The following MAN2A2 variants were observed in gnomAD, a reference collection of about 807,000 sequenced individuals.
The protein encoded by MAN2A2 is mannosidase alpha class 2A member 2.
A neutral mutation model predicts 126.8 loss-of-function variants in MAN2A2; 79 were observed. The ratio of observed to expected loss-of-function variants is 0.62; its 90% CI spans 0.52 to 0.75. The LOEUF (loss-of-function observed/expected upper bound fraction) is 0.75, where lower values mean the gene tolerates loss of function less well. Among genes scored for constraint, MAN2A2 ranks in the 30% least tolerant of loss-of-function variants. MAN2A2 has a pLI of 0.00. For missense variants in MAN2A2, 1,392 were observed against 1,522.4 expected (o/e 0.91, Z 1.43); for synonymous variants, 671 against 618.7 (o/e 1.08, Z -1.25).
chr15:90,912,068 CCCTGGG>C lies in MAN2A2; in HGVS notation c.2143_2148del (p.Leu715_Gly716del). ...GTGTCTGTGCCTGTCCGCCTGCCAG[CCCTGGG>C]CCTGGGCGTGCTGCAGCTACAGCTG... is the stretch of plus-strand genomic sequence containing the variant. On this transcript the variant is annotated inframe_deletion, in exon 15 of 23. Coordinates refer to ENST00000559717, the MANE Select transcript of MAN2A2 (RefSeq NM_006122.4). 1 of 1,612,878 alleles carries C rather than the reference CCCTGGG, an allele frequency of 6.2e-7. No homozygotes were observed. Among genetic ancestry groups the C allele is most frequent in the Non-Finnish European group, 8.5e-7 (1 of 1,179,830 alleles).
chr15:90,911,748 T>C, intron 14 of MAN2A2, 198 bp downstream of exon 14: 1 of 637,052 alleles, frequency 1.6e-6, no homozygotes, highest in Non-Finnish European at 2.7e-6. Context: ...AGGGGAAGGT[T>C]GGTATGGTAA....
rs937664926 is a variant in MAN2A2, at chr15:90,921,414, T to A, written c.*1627T>A. Reference sequence around the variant, plus strand: ...TGAACGATGATAATGAGTTGGGGGGTGGACTGCTCGGGGGTGATCCTGCCA... The same window carrying A: ...TGAACGATGATAATGAGTTGGGGGGAGGACTGCTCGGGGGTGATCCTGCCA... On this transcript the variant is annotated 3_prime_UTR_variant, in exon 23 of 23. Coordinates refer to ENST00000559717, the MANE Select transcript of MAN2A2 (RefSeq NM_006122.4). The A allele has an allele frequency of 4.0e-5, 6 of 151,882 alleles. No individual in the cohort carries two copies. Among genetic ancestry groups the A allele is most frequent in the African/African-American group, 1.5e-4 (6 of 41,226 alleles). The allele number at this position is 151,882 out of a possible 1,614,324, so 9.4% of individuals were successfully genotyped here. A position where few individuals can be genotyped will look rare whatever the true frequency, so the allele number is the denominator to read the frequency against.
rs758878076 is a variant in MAN2A2 at position 90,910,637 on chromosome 15, A to G, written c.1714A>G (p.Ile572Val). Reference sequence around the variant, plus strand: ...GGGGCTCTTCCAGCATCACGATGCCATCACTGGCACGGCCAAGGAGGCTGT... The same window carrying G: ...GGGGCTCTTCCAGCATCACGATGCCGTCACTGGCACGGCCAAGGAGGCTGT... Reference protein sequence around the residue: ...TLGLFQHHDAITGTAKEAVVV... With the variant: ...TLGLFQHHDAVTGTAKEAVVV... Residue 572 changes from isoleucine to valine, a missense_variant, in exon 11 of 23, where the codon ATC becomes GTC. By Grantham distance (29) the Ile-to-Val change is conservative (BLOSUM62 3). Coordinates refer to ENST00000559717, the MANE Select transcript of MAN2A2 (RefSeq NM_006122.4). 3.7e-6 allele frequency: 6 copies of G among 1,614,138 alleles called. No homozygotes were observed. The Admixed American group carries it at 6.7e-5, about 18-fold the overall frequency.
At position 90,913,658 on chromosome 15, in the gene MAN2A2, C is replaced by A. The variant is rs764151904; in HGVS notation, c.2763C>A (p.Asn921Lys). 1 of 1,612,600 alleles carries A rather than the reference C, an allele frequency of 6.2e-7. No homozygotes were observed. Among genetic ancestry groups the A allele is most frequent in the Non-Finnish European group, 8.5e-7 (1 of 1,179,484 alleles). The stretch of plus-strand genomic sequence containing the variant: ...TGAAGAAGCTCCCCCTCCAGGCCAA[C>A]TTCTACCCCATGCCAGTCATGGCCT... ...RYLKKLPLQANFYPMPVMAYI... is the reference protein window; with the variant it reads ...RYLKKLPLQAKFYPMPVMAYI... Residue 921 changes from asparagine to lysine, a missense_variant, in exon 19 of 23, where the codon AAC becomes AAA. Coordinates refer to ENST00000559717, the MANE Select transcript of MAN2A2 (RefSeq NM_006122.4).
rs745741684 is a variant in MAN2A2, at chr15:90,905,966, C to T, written c.657C>T (p.Phe219=). 1.4e-5 allele frequency: 22 copies of T among 1,613,876 alleles called. No homozygotes were observed. The highest frequency in any genetic ancestry group is 1.6e-4 in the Middle Eastern group (1 of 6,080). The change falls in exon 5 of 23, where the codon TTC becomes TTT. Residue 219 remains phenylalanine, a synonymous_variant. Coordinates refer to ENST00000559717, the MANE Select transcript of MAN2A2 (RefSeq NM_006122.4). ...RRFLWAEVSF[F]AKWWDNINVQ... is the part of the protein sequence containing the mutation. The stretch of plus-strand genomic sequence containing the variant: ...TCCTCTGGGCAGAGGTCTCCTTCTT[C>T]GCCAAGTGGTGGGACAACATCAATG...
At chr15:90,911,907 C>A in intron 14 of MAN2A2, 136 bp from the exon 15 acceptor site, 2 of 717,438 alleles carry the variant, frequency 2.8e-6, no homozygotes, top group Non-Finnish European at 4.8e-6. Flanking sequence ...CAAATCAGAT[C>A]ACCTCCACTT....
Position 90,912,891 on chromosome 15 carries a change from G to A in MAN2A2, c.2484G>A (p.Lys828=), listed in dbSNP as rs761996353. The A allele has an allele frequency of 6.2e-7, 1 of 1,613,888 alleles. No homozygotes were observed. Among genetic ancestry groups the A allele is most frequent in the South Asian group, 1.1e-5 (1 of 91,070 alleles). ...PDGEAKPYVP[K]EPPVLRVTEG... is the part of the protein sequence containing the mutation. ...TCTTTCTCTAGCCCTACGTCCCCAA[G>A]GAGCCCCCCGTGCTGCGTGTCACTG... is the stretch of plus-strand genomic sequence containing the variant. The change falls in exon 17 of 23, where the codon AAG becomes AAA. Residue 828 remains lysine (K), a synonymous_variant. Transcript: ENST00000559717.
At chr15:90,916,446 C>G in intron 20 of MAN2A2, 190 bp downstream of exon 20, 1 of 1,082,602 alleles carries the variant, frequency 9.2e-7, no homozygotes. Context: ...GCACCTTCCT[C>G]TCCCAGCAGC....
At position 90,910,615 on chromosome 15, in the gene MAN2A2, G is replaced by T. The variant is rs902887871; in HGVS notation, c.1692G>T (p.Gly564=). The change falls in exon 11 of 23, where the codon GGG becomes GGT. Residue 564 remains glycine (G), a synonymous_variant. Transcript: ENST00000559717. The part of the protein sequence containing the change: ...TLLTEARRTL[G]LFQHHDAITG... The stretch of plus-strand genomic sequence containing the variant: ...TGACGGAAGCTCGGCGCACATTGGG[G>T]CTCTTCCAGCATCACGATGCCATCA... The T allele has an allele frequency of 6.2e-7, 1 of 1,614,174 alleles. No homozygotes were observed. Among genetic ancestry groups the T allele is most frequent in the South Asian group, 1.1e-5 (1 of 91,082 alleles).
At chr15:90,902,462 C>G (rs979491202), upstream of MAN2A2, 1 of 152,258 alleles carries the variant, frequency 6.6e-6, no homozygotes, top group African/African-American at 2.4e-5. Flanking sequence ...AGAACGCACC[C>G]CGCTACGCGT....
At position 90,912,941 on chromosome 15, in the gene MAN2A2, T is replaced by C; in HGVS notation, c.2534T>C (p.Val845Ala). 2 of 1,614,110 alleles carry C rather than the reference T, an allele frequency of 1.2e-6. No individual in the cohort carries two copies. The highest frequency in any genetic ancestry group is 1.7e-6 in the Non-Finnish European group (2 of 1,179,988). Reference protein sequence around the residue: ...VTEGPFFSEVVAYYEHIHQAV... With the variant: ...VTEGPFFSEVAAYYEHIHQAV... ...GAAGGCCCTTTCTTCTCAGAGGTGG[T>C]TGCGTACTATGAGCACATTCACCAG... The change falls in exon 17 of 23, where the codon GTT becomes GCT. Residue 845 changes from valine to alanine, a missense_variant. Physicochemically the swap from Val to Ala is moderately conservative, Grantham distance 64 (BLOSUM62 0). Transcript: ENST00000559717.
intron 20 of MAN2A2, among the ~76,000 whole-genome samples, chr15:90,917,130 T>A (rs1219559988): frequency 1.3e-5 from 2 of 152,190 alleles, no homozygotes; most frequent in Non-Finnish European, 2.9e-5. Flanking sequence ...GCTATTTAAA[T>A]TACAACTAAA....
At position 90,912,621 on chromosome 15, in the gene MAN2A2, A is replaced by T. The variant is rs2034845783; in HGVS notation, c.2426A>T (p.Asp809Val). ...GTCTATGGCACCCGTACGTCCAAAGACAAGAGTGGAGCCTACCTCTTCCTG... is the reference window on the plus strand; with the variant it reads ...GTCTATGGCACCCGTACGTCCAAAGTCAAGAGTGGAGCCTACCTCTTCCTG... ...VLVYGTRTSK[D>V]KSGAYLFLPD... The change falls in exon 16 of 23, where the codon GAC becomes GTC. Residue 809 changes from aspartate to valine, a missense_variant. Coordinates refer to ENST00000559717, the MANE Select transcript of MAN2A2 (RefSeq NM_006122.4). 6.2e-7 allele frequency: 1 copy of T among 1,614,056 alleles called. No individual in the cohort carries two copies. Among genetic ancestry groups the T allele is most frequent in the Admixed American group, 1.7e-5 (1 of 60,016 alleles).
intron 20 of MAN2A2, chr15:90,916,536 A>T: frequency 2.8e-6 from 4 of 1,410,912 alleles, no homozygotes; most frequent in Non-Finnish European, 3.8e-6. Context: ...AGCATTCTCT[A>T]AGCCTGTGCT....
chr15:90,912,115 C>T lies in MAN2A2; in HGVS notation c.2182C>T (p.Arg728Cys), dbSNP rs141325951. The T allele has an allele frequency of 1.6e-4, 255 of 1,613,620 alleles. 1 individual carries two copies. In the African/African-American group the frequency reaches 1.6e-3, roughly 10 times the overall value. The change falls in exon 15 of 23, where the codon CGC (arginine) becomes TGC (cysteine). Residue 728 changes from arginine to cysteine, a missense_variant. Coordinates refer to ENST00000559717, the MANE Select transcript of MAN2A2 (RefSeq NM_006122.4). ...GCTACAGCTGGGCCTGGATGGGCAC[C>T]GCACGCTGCCCTCCTCTGTGCGCAT... is the stretch of plus-strand genomic sequence containing the variant. ...LQLQLGLDGH[R>C]TLPSSVRIYL...
Position 90,919,731 on chromosome 15 carries a change from A to G in MAN2A2, c.3397A>G (p.Thr1133Ala). ...LYPLASPSNS[T>A]DVYLEPMEIA... ...CCCTCTGGCCTCCCCGTCCAACAGC[A>G]CTGACGTCTATTTGGAGCCCATGGA... The change falls in exon 23 of 23, where the codon ACT becomes GCT. Residue 1133 changes from threonine (T) to alanine (A), a missense_variant. Physicochemically the swap from Thr to Ala is moderately conservative, Grantham distance 58 (BLOSUM62 0). Transcript: ENST00000559717. The G allele has an allele frequency of 2.5e-6, 4 of 1,614,122 alleles. No individual in the cohort carries two copies. The highest frequency in any genetic ancestry group is 1.3e-5 in the African/African-American group (1 of 75,016).
intron 20 of MAN2A2, among the ~76,000 whole-genome samples, chr15:90,916,986 T>C (rs1014737514): frequency 2.0e-5 from 3 of 152,026 alleles, no homozygotes; most frequent in African/African-American, 7.3e-5. Context: ...CTTTGATGAA[T>C]GGGGTGTGAT....
chr15:90,909,284 G>T, intron 8 of MAN2A2, 43 bp from the exon 9 acceptor site: 1 of 1,578,122 alleles, frequency 6.3e-7, no homozygotes, highest in East Asian at 2.3e-5. Context: ...CTCTTTTACT[G>T]ATGAGACTTC....
At chr15:90,904,868 T>C (rs1184712609) in intron 2 of MAN2A2, among the ~76,000 whole-genome samples, 1 of 152,230 alleles carries the variant, frequency 6.6e-6, no homozygotes, top group East Asian at 1.9e-4. Flanking sequence ...GTGCTGGGAT[T>C]ACAGGTGTGG....
Sources: gnomAD v4.1 joint callset for allele counts (sites outside exome capture counted in the v4.1 genomes callset) on GRCh38, gnomAD v4.1.1 for gene constraint, MANE v1.5 for transcripts, NCBI Gene and HGNC (gene_info 2026-07-23, HGNC 2026-07-21) for gene names.